The following CAPN7 variants were observed in gnomAD, a reference collection of about 807,000 sequenced individuals.
CAPN7 encodes calpain 7.
A neutral mutation model predicts 115.2 loss-of-function variants in CAPN7; 72 were observed. The observed-to-expected ratio is 0.63, with a 90% confidence interval of 0.52 to 0.76. The LOEUF is 0.76. CAPN7 is among the 30% of genes least tolerant of loss of function. The pLI is 0.00. For synonymous variants in CAPN7, 344 were observed against 322.3 expected (o/e 1.07, Z -0.72); for missense variants, 905 against 971.5 (o/e 0.93, Z 0.91).
chr3:15,251,277 T>C lies in CAPN7; in HGVS notation c.*17T>C, dbSNP rs745857988. ...CTTCAGTGATGGAGAAATCTCAAGT[T>C]ACTGGCTTTTATACTTACCAAACAT... On this transcript the variant is annotated 3_prime_UTR_variant, in exon 21 of 21. Transcript: ENST00000253693. The C allele has an allele frequency of 7.0e-6, 11 of 1,570,618 alleles. No homozygotes were observed. Among genetic ancestry groups the C allele is most frequent in the African/African-American group, 6.9e-5 (5 of 72,612 alleles).
chr3:15,252,018 AATTGCTGTATCG>A lies in CAPN7; in HGVS notation c.*759_*770del. On this transcript the variant is annotated 3_prime_UTR_variant, in exon 21 of 21. Transcript: ENST00000253693. ...ATTTAGTTTGTGTGGTCTTTTTTTAAATTGCTGTATCGTTCAGTCTCTTGTGGCAATAGCACT... is the reference window on the plus strand; with the variant it reads ...ATTTAGTTTGTGTGGTCTTTTTTTAATTCAGTCTCTTGTGGCAATAGCACT... The A allele has an allele frequency of 6.6e-6, 1 of 152,584 alleles. No homozygotes were observed. The allele number at this position is 152,584 out of a possible 1,614,324, so 9.5% of individuals were successfully genotyped here. A position where few individuals can be genotyped will look rare whatever the true frequency, so the allele number is the denominator to read the frequency against.
At chr3:15,217,358 G>C in intron 2 of CAPN7, 67 bp from the exon 3 acceptor site, 1 of 1,308,624 alleles carries the variant, frequency 7.6e-7, no homozygotes. Flanking sequence ...CTTAAATAGT[G>C]AAAATAGTGT....
chr3:15,246,563 A>G (rs1219998025), intron 17 of CAPN7, 169 bp from the exon 18 acceptor site: 4 of 587,872 alleles, frequency 6.8e-6, no homozygotes, highest in Non-Finnish European at 1.2e-5. Context: ...AGCCAAGACC[A>G]GACCCCTAGC....
chr3:15,219,136 A>G (rs1347358096), intron 4 of CAPN7, among the ~76,000 whole-genome samples: 1 of 152,242 alleles, frequency 6.6e-6, no homozygotes, highest in Non-Finnish European at 1.5e-5. Flanking sequence ...CCCCAGATGT[A>G]AGCTCTGAGG....
intron 9 of CAPN7, chr3:15,232,223 T>G: frequency 3.0e-6 from 1 of 338,142 alleles, no homozygotes; most frequent in Non-Finnish European, 5.6e-6. Context: ...GCATTTCAAA[T>G]TTTAGATTTT....
In CAPN7 at chr3:15,252,016, T is replaced by A. The variant is rs1438241235; in HGVS notation, c.*756T>A. On this transcript the variant is annotated 3_prime_UTR_variant, in exon 21 of 21. Transcript: ENST00000253693. The stretch of plus-strand genomic sequence containing the variant: ...CAATTTAGTTTGTGTGGTCTTTTTT[T>A]AAATTGCTGTATCGTTCAGTCTCTT... 4 of 152,524 alleles carry A rather than the reference T, an allele frequency of 2.6e-5. No homozygotes were observed. Among genetic ancestry groups the A allele is most frequent in the Admixed American group, 1.3e-4 (2 of 15,290 alleles). The allele number at this position is 152,524 out of a possible 1,614,324, so 9.4% of individuals were successfully genotyped here. A position where few individuals can be genotyped will look rare whatever the true frequency, so the allele number is the denominator to read the frequency against.
chr3:15,221,948 C>T (rs989243284), intron 5 of CAPN7, among the ~76,000 whole-genome samples: 4 of 149,364 alleles, frequency 2.7e-5, no homozygotes, highest in African/African-American at 7.4e-5. Context: ...AGGGAGATCC[C>T]GTCTCAAAAA....
At position 15,215,848 on chromosome 3, in the gene CAPN7, G is replaced by A. The variant is rs551352648; in HGVS notation, c.212-1577G>A. ...TGCCTGTAATCCCAGCACTTTGGGA[G>A]GCCAAGGCAGACAGATCACTTGAGG... is the stretch of plus-strand genomic sequence containing the variant. On this transcript the variant is annotated intron_variant, in intron 2 of 20. Transcript: ENST00000253693. Among the ~76,000 whole-genome samples, 27 of 152,200 alleles carry A rather than the reference G, an allele frequency of 1.8e-4. 2 individuals are homozygous for A. The South Asian group carries it at 4.1e-3, about 23-fold the overall frequency.
At chr3:15,232,756 T>A in intron 10 of CAPN7, 91 bp downstream of exon 10, 1 of 1,141,154 alleles carries the variant, frequency 8.8e-7, no homozygotes, top group Non-Finnish European at 1.2e-6. Context: ...TCTTTTTGTT[T>A]ATAGGGAAAG....
At chr3:15,238,259 G>GC (rs1168744601) in intron 12 of CAPN7, among the ~76,000 whole-genome samples, 1 of 150,964 alleles carries the variant, frequency 6.6e-6, no homozygotes, top group Non-Finnish European at 1.5e-5. Flanking sequence ...GACTACAGGC[G>GC]CCCCACCACC....
rs1349399089 is a variant in CAPN7 at position 15,251,468 on chromosome 3, A to G, written c.*208A>G. 9.3e-6 allele frequency: 4 copies of G among 432,196 alleles called. No homozygotes were observed. The East Asian group carries it at 1.1e-4, about 12-fold the overall frequency. The allele number at this position is 432,196 out of a possible 1,614,324, so 26.8% of individuals were successfully genotyped here. On this transcript the variant is annotated 3_prime_UTR_variant, in exon 21 of 21. Coordinates refer to ENST00000253693, the MANE Select transcript of CAPN7 (RefSeq NM_014296.3). ...TAAATCACCTAGAGGTACCGTTTACATGGTTTTGTGTATATAGAGTTGGCT... is the reference window on the plus strand; with the variant it reads ...TAAATCACCTAGAGGTACCGTTTACGTGGTTTTGTGTATATAGAGTTGGCT...
At chr3:15,233,033 G>A (rs191358972) in intron 10 of CAPN7, among the ~76,000 whole-genome samples, 5 of 152,252 alleles carry the variant, frequency 3.3e-5, no homozygotes, top group African/African-American at 1.2e-4. Flanking sequence ...TAAGATTGAG[G>A]TGTCTTCCAG....
At chr3:15,209,074 A>T (rs11925843) in intron 1 of CAPN7, among the ~76,000 whole-genome samples, 1 of 151,988 alleles carries the variant, frequency 6.6e-6, no homozygotes, top group African/African-American at 2.4e-5. Context: ...GCAATAGCAC[A>T]ATCTCGACTC....
chr3:15,216,345 C>T (rs1051557625), intron 2 of CAPN7, among the ~76,000 whole-genome samples: 1 of 152,172 alleles, frequency 6.6e-6, no homozygotes. Flanking sequence ...CATAAGGTGT[C>T]ATCTCATTGT....
At chr3:15,250,806 GT>G in intron 19 of CAPN7, 124 bp from the exon 20 acceptor site, 1 of 653,160 alleles carries the variant, frequency 1.5e-6, no homozygotes, top group Admixed American at 2.7e-5. Context: ...AATAGAGTGT[GT>G]ATGTTTCTAC....
At chr3:15,242,682 C>T (rs1466371031) in intron 16 of CAPN7, among the ~76,000 whole-genome samples, 1 of 152,162 alleles carries the variant, frequency 6.6e-6, no homozygotes, top group Non-Finnish European at 1.5e-5. Flanking sequence ...CTCCAGAATA[C>T]ACCATGCCCT....
At chr3:15,208,289 A>T (rs1353623122) in intron 1 of CAPN7, among the ~76,000 whole-genome samples, 1 of 136,698 alleles carries the variant, frequency 7.3e-6, no homozygotes, top group African/African-American at 2.6e-5. Flanking sequence ...GGTGTACCAT[A>T]TTTTTTTTTT....
intron 5 of CAPN7, among the ~76,000 whole-genome samples, chr3:15,221,386 T>G (rs1224149699): frequency 2.1e-5 from 3 of 144,202 alleles, no homozygotes; most frequent in African/African-American, 7.8e-5. Flanking sequence ...AGAGACAGGG[T>G]TTCATAATGT....
intron 2 of CAPN7, among the ~76,000 whole-genome samples, chr3:15,215,078 A>C (rs898012453): frequency 6.6e-6 from 1 of 152,210 alleles, no homozygotes; most frequent in African/African-American, 2.4e-5. Context: ...CTTTTTCATC[A>C]ATGGAATTAG....
Sources: allele counts gnomAD v4.1 joint callset (sites outside exome capture counted in the v4.1 genomes callset), GRCh38; gene constraint gnomAD v4.1.1; transcripts MANE v1.5; gene names NCBI Gene and HGNC (gene_info 2026-07-23, HGNC 2026-07-21).